Variants in TAFA2 observed in about 807,000 individuals in gnomAD.
TAFA2 encodes the protein chemokine-like protein TAFA-2.
In TAFA2, 7 loss-of-function variants were observed where a neutral mutation model predicts 18.8. The observed-to-expected ratio is 0.37, with a 90% CI of 0.21 to 0.70. The LOEUF (loss-of-function observed/expected upper bound fraction) is 0.70. TAFA2 is among the 30% of genes least tolerant of loss of function. The probability of loss-of-function intolerance (pLI) is 0.53; values close to 1 mark genes in which losing one functional copy is unlikely to be tolerated. For synonymous variants in TAFA2, 60 were observed against 54.2 expected (o/e 1.11, Z -0.47); for missense variants, 122 against 158.1 (o/e 0.77, Z 1.23).
intron 1 of TAFA2, among the ~76,000 whole-genome samples, chr12:62,200,316 T>C (rs1229567845): frequency 6.6e-6 from 1 of 152,226 alleles, no homozygotes; most frequent in Non-Finnish European, 1.5e-5. Context: ...GTTTTCATCA[T>C]GAAATTTTTG....
intron 1 of TAFA2, chr12:62,023,802 T>A (rs1005223588): frequency 1.3e-5 from 2 of 152,058 alleles, no homozygotes; most frequent in East Asian, 3.9e-4. Flanking sequence ...AGGAGAAAAA[T>A]TAGGTACAGA....
intron 1 of TAFA2, among the ~76,000 whole-genome samples, chr12:62,036,195 C>T (rs1352113542): frequency 6.6e-6 from 1 of 152,074 alleles, no homozygotes; most frequent in Non-Finnish European, 1.5e-5. Context: ...CCCTTAAGGA[C>T]AAAATCTTAC....
intron 1 of TAFA2, among the ~76,000 whole-genome samples, chr12:62,080,778 A>G (rs747307314): frequency 5.1e-4 from 77 of 152,234 alleles, no homozygotes; most frequent in Non-Finnish European, 1.0e-3. Flanking sequence ...AAGGTGACGG[A>G]AATGAAAAAA....
At chr12:62,201,433 G>T (rs1239409486) in intron 1 of TAFA2, among the ~76,000 whole-genome samples, 1 of 152,142 alleles carries the variant, frequency 6.6e-6, no homozygotes, top group African/African-American at 2.4e-5. Flanking sequence ...TATATTGAGA[G>T]TTTTTAACAT....
intron 2 of TAFA2, among the ~76,000 whole-genome samples, chr12:61,843,110 G>T (rs940798689): frequency 1.3e-5 from 2 of 151,962 alleles, no homozygotes; most frequent in African/African-American, 2.4e-5. Flanking sequence ...AGGCCTTTAG[G>T]CAGGAGAATT....
At chr12:61,745,766 CT>C (rs2120720739) in intron 4 of TAFA2, among the ~76,000 whole-genome samples, 1 of 152,064 alleles carries the variant, frequency 6.6e-6, no homozygotes, top group African/African-American at 2.4e-5. Context: ...TGCTAATCAG[CT>C]GATGTTAAGA....
At chr12:61,758,803 C>T (rs1168936251) in intron 2 of TAFA2, among the ~76,000 whole-genome samples, 2 of 151,894 alleles carry the variant, frequency 1.3e-5, no homozygotes, top group East Asian at 3.9e-4. Context: ...TCTGGGGATG[C>T]TTGGACTTCT....
At chr12:62,118,477 T>C (rs536303121) in intron 1 of TAFA2, among the ~76,000 whole-genome samples, 1 of 152,250 alleles carries the variant, frequency 6.6e-6, no homozygotes, top group Admixed American at 6.5e-5. Flanking sequence ...ATGAGTTTTA[T>C]TGGATATCTA....
At chr12:61,741,401 C>T (rs1387838142) in intron 4 of TAFA2, among the ~76,000 whole-genome samples, 3 of 151,756 alleles carry the variant, frequency 2.0e-5, no homozygotes, top group Non-Finnish European at 2.9e-5. Context: ...GTTGAGAAAG[C>T]ATTTTATTGA....
intron 4 of TAFA2, among the ~76,000 whole-genome samples, chr12:61,730,221 G>A (rs1870375119): frequency 6.6e-6 from 1 of 152,156 alleles, no homozygotes; most frequent in Non-Finnish European, 1.5e-5. Flanking sequence ...CAGTGAAGCT[G>A]TCACATGGAC....
chr12:61,794,071 T>G (rs1160916027), intron 2 of TAFA2, among the ~76,000 whole-genome samples: 2 of 151,908 alleles, frequency 1.3e-5, no homozygotes, highest in Non-Finnish European at 2.9e-5. Flanking sequence ...ATGAAGCATA[T>G]CTATGGAAAA....
intron 1 of TAFA2, among the ~76,000 whole-genome samples, chr12:62,172,056 C>T (rs924771182): frequency 1.3e-5 from 2 of 152,024 alleles, no homozygotes; most frequent in Non-Finnish European, 2.9e-5. Flanking sequence ...TAACTAGAAA[C>T]CTACTGAAGC....
intron 2 of TAFA2, among the ~76,000 whole-genome samples, chr12:61,859,465 A>T (rs1874030888): frequency 9.6e-6 from 1 of 104,298 alleles, no homozygotes; most frequent in Non-Finnish European, 2.3e-5. Context: ...TGATTTTGAG[A>T]TGGAGTCTCG....
At chr12:61,934,411 T>C (rs1305648002) in intron 1 of TAFA2, among the ~76,000 whole-genome samples, 1 of 152,166 alleles carries the variant, frequency 6.6e-6, no homozygotes, top group Non-Finnish European at 1.5e-5. Flanking sequence ...TCACCACCAG[T>C]AATGACACAA....
chr12:61,928,984 A>T (rs1320510728), intron 1 of TAFA2, among the ~76,000 whole-genome samples: 1 of 151,998 alleles, frequency 6.6e-6, no homozygotes, highest in Admixed American at 6.6e-5. Context: ...CAGGGAGGGG[A>T]ACATCACACA....
upstream of TAFA2, among the ~76,000 whole-genome samples, chr12:62,193,326 G>C (rs1274602243): frequency 3.9e-5 from 6 of 152,170 alleles, no homozygotes; most frequent in Non-Finnish European, 8.8e-5. Context: ...CAAGAATCTG[G>C]TTTTGGAGCC....
intron 1 of TAFA2, among the ~76,000 whole-genome samples, chr12:62,136,840 T>C (rs2136901878): frequency 6.6e-6 from 1 of 152,302 alleles, no homozygotes; most frequent in Middle Eastern, 3.4e-3. Context: ...TTGGTAATGT[T>C]TGGGGGGACA....
At chr12:62,238,282 C>T (rs147098445) in intron 1 of TAFA2, among the ~76,000 whole-genome samples, 15 of 152,262 alleles carry the variant, frequency 9.9e-5, no homozygotes, top group Admixed American at 9.8e-4. Context: ...GTCATCTCAG[C>T]CCCAAATTTA....
At chr12:62,167,758 G>C (rs924344230) in intron 1 of TAFA2, among the ~76,000 whole-genome samples, 19 of 152,118 alleles carry the variant, frequency 1.2e-4, no homozygotes, top group African/African-American at 4.6e-4. Context: ...ACTAAAAGGA[G>C]CCATGGCTTC....
Sources: gnomAD v4.1 joint callset for allele counts (sites outside exome capture counted in the v4.1 genomes callset) on GRCh38, gnomAD v4.1.1 for gene constraint, MANE v1.5 for transcripts, NCBI Gene and HGNC (gene_info 2026-07-23, HGNC 2026-07-21) for gene names.